GRIK1: variants seen among roughly 807,000 people sequenced by gnomAD.
The protein encoded by GRIK1 is glutamate receptor ionotropic, kainate 1.
Under a neutral mutation model 105.7 loss-of-function variants are expected in GRIK1, and 69 were observed. That is an observed-to-expected ratio of 0.65 (90% confidence interval 0.54 to 0.80). GRIK1 has a LOEUF of 0.80. GRIK1 is among the 30% of genes least tolerant of loss of function. GRIK1 has a pLI of 0.00. For synonymous variants in GRIK1, 438 were observed against 431.3 expected (o/e 1.02, Z -0.19); for missense variants, 1,109 against 1,167.3 (o/e 0.95, Z 0.73).
At chr21:29,680,607 T>C (rs114263840) in intron 3 of GRIK1, among the ~76,000 whole-genome samples, 2,167 of 152,352 alleles carry the variant, frequency 0.014, 49 homozygotes, top group African/African-American at 0.05. Context: ...AAGTATTACA[T>C]GGAAAATTCC....
intron 1 of GRIK1, among the ~76,000 whole-genome samples, chr21:29,912,374 A>G (rs2070848318): frequency 6.6e-6 from 1 of 152,056 alleles, no homozygotes; most frequent in Non-Finnish European, 1.5e-5. Flanking sequence ...TCCTCTGACA[A>G]GAGACATTCC....
intron 7 of GRIK1, among the ~76,000 whole-genome samples, chr21:29,616,867 G>A (rs1400381549): frequency 6.6e-6 from 1 of 152,134 alleles, no homozygotes; most frequent in African/African-American, 2.4e-5. Flanking sequence ...GCCTATTGTA[G>A]AATAATTAAG....
At chr21:29,690,025 A>AT in intron 2 of GRIK1, 40 bp from the exon 3 acceptor site, 2 of 829,682 alleles carry the variant, frequency 2.4e-6, no homozygotes, top group Non-Finnish European at 4.0e-6. Flanking sequence ...GAGGGAGGGC[A>AT]GGGAAAGGGG....
chr21:29,694,486 C>T (rs2063654816), intron 1 of GRIK1, among the ~76,000 whole-genome samples: 1 of 152,146 alleles, frequency 6.6e-6, no homozygotes, highest in African/African-American at 2.4e-5. Flanking sequence ...AGTAATAGAG[C>T]AGATCCTAAA....
intron 1 of GRIK1, 54 bp from the exon 2 acceptor site, chr21:29,694,117 A>ATTTTTTTTTT (rs11434895): frequency 9.1e-6 from 4 of 437,508 alleles, no homozygotes; most frequent in East Asian, 4.5e-5. Context: ...TTCACATGTA[A>ATTTTTTTTTT]TTTTTTTTTT....
chr21:29,568,333 A>G (rs934472946), intron 14 of GRIK1, among the ~76,000 whole-genome samples: 1 of 152,188 alleles, frequency 6.6e-6, no homozygotes, highest in African/African-American at 2.4e-5. Flanking sequence ...TGAAATGGTT[A>G]TAACTGTCTG....
At chr21:29,916,236 T>C (rs1363523403) in intron 1 of GRIK1, among the ~76,000 whole-genome samples, 2 of 151,938 alleles carry the variant, frequency 1.3e-5, no homozygotes, top group East Asian at 3.9e-4. Context: ...TATATTAATA[T>C]CCATATTATA....
chr21:29,541,799 T>C (rs2089977339), intron 16 of GRIK1, among the ~76,000 whole-genome samples: 1 of 108,270 alleles, frequency 9.2e-6, no homozygotes, highest in African/African-American at 3.2e-5. Flanking sequence ...GTAGGCATTA[T>C]GACAACTTGT....
At chr21:29,795,028 ATT>A (rs66697777) in intron 1 of GRIK1, among the ~76,000 whole-genome samples, 2 of 85,218 alleles carry the variant, frequency 2.3e-5, no homozygotes, top group East Asian at 3.7e-4. Context: ...TTTGCTCTAA[ATT>A]TTTTTTTTTT....
intron 1 of GRIK1, among the ~76,000 whole-genome samples, chr21:29,923,527 C>T (rs1042440829): frequency 6.6e-6 from 1 of 152,128 alleles, no homozygotes; most frequent in Non-Finnish European, 1.5e-5. Flanking sequence ...CATGGAGTTA[C>T]AACGAGTGTT....
intron 1 of GRIK1, among the ~76,000 whole-genome samples, chr21:29,798,051 A>C (rs1441234400): frequency 1.3e-5 from 2 of 152,226 alleles, no homozygotes; most frequent in Non-Finnish European, 2.9e-5. Flanking sequence ...TCTAAAACAA[A>C]TTATAGAGAA....
rs570901030 is a variant in GRIK1 at position 29,920,993 on chromosome 21, A to G, written c.118+18390T>C. On this transcript the variant is annotated intron_variant, in intron 1 of 17. Transcript: ENST00000327783. ...AAAGCATCTACACTAAACCTGCACTAGGTTTGTGTTCATAATCTCCAACCT... is the reference window on the plus strand; with the variant it reads ...AAAGCATCTACACTAAACCTGCACTGGGTTTGTGTTCATAATCTCCAACCT... 2.8e-4 allele frequency among the ~76,000 whole-genome samples: 42 copies of G among 152,298 alleles called. 1 individual carries two copies. In the South Asian group the frequency reaches 8.5e-3, roughly 31 times the overall value.
At chr21:29,800,656 G>A (rs115376634) in intron 1 of GRIK1, among the ~76,000 whole-genome samples, 2 of 152,182 alleles carry the variant, frequency 1.3e-5, no homozygotes, top group Admixed American at 6.5e-5. Context: ...AAACCAACCC[G>A]TTCACGCATT....
intron 3 of GRIK1, among the ~76,000 whole-genome samples, chr21:29,676,380 T>A (rs755487895): frequency 6.6e-6 from 1 of 152,190 alleles, no homozygotes; most frequent in African/African-American, 2.4e-5. Flanking sequence ...CTGCCTTCAT[T>A]AGCAAATGAT....
chr21:29,860,015 C>G (rs1007957528), intron 1 of GRIK1, among the ~76,000 whole-genome samples: 7 of 152,156 alleles, frequency 4.6e-5, no homozygotes, highest in African/African-American at 1.7e-4. Context: ...ATATATTGCT[C>G]TTCATTTACA....
intron 1 of GRIK1, among the ~76,000 whole-genome samples, chr21:29,889,800 G>C (rs1166635784): frequency 6.6e-6 from 1 of 151,704 alleles, no homozygotes; most frequent in African/African-American, 2.4e-5. Context: ...TTTATATTTT[G>C]GCATCCTGTA....
chr21:29,606,665 A>AAAAACAAAAC (rs72368755), intron 7 of GRIK1, among the ~76,000 whole-genome samples: 1 of 149,870 alleles, frequency 6.7e-6, no homozygotes, highest in Non-Finnish European at 1.5e-5. Context: ...ATCTTTTTTT[A>AAAAACAAAAC]AAAACAAAAC....
At chr21:29,800,333 A>G (rs1239147164) in intron 1 of GRIK1, among the ~76,000 whole-genome samples, 1 of 152,178 alleles carries the variant, frequency 6.6e-6, no homozygotes, top group Non-Finnish European at 1.5e-5. Flanking sequence ...AAAGGAAAAC[A>G]ACTTTTCTCC....
chr21:29,882,154 T>G (rs2069438259), intron 1 of GRIK1, among the ~76,000 whole-genome samples: 1 of 152,136 alleles, frequency 6.6e-6, no homozygotes, highest in African/African-American at 2.4e-5. Context: ...AGGCATTTGT[T>G]GTCCGTTTAG....
Sources: gnomAD v4.1 joint callset for allele counts (sites outside exome capture counted in the v4.1 genomes callset) on GRCh38, gnomAD v4.1.1 for gene constraint, MANE v1.5 for transcripts, NCBI Gene and HGNC (gene_info 2026-07-23, HGNC 2026-07-21) for gene names.